UBN2: variants seen among roughly 807,000 people sequenced by gnomAD.
UBN2 encodes ubinuclein 2, also known as ubinuclein-2.
Under a neutral mutation model 120.2 loss-of-function variants are expected in UBN2, and 35 were observed. The ratio of observed to expected loss-of-function variants is 0.29; its 90% CI spans 0.22 to 0.39. UBN2 has a LOEUF of 0.39. UBN2 is among the 10% of genes least tolerant of loss of function. The probability of loss-of-function intolerance (pLI) is 1.00; values close to 1 mark genes in which losing one functional copy is unlikely to be tolerated. For missense variants in UBN2, 1,693 were observed against 1,663.2 expected, an observed-to-expected ratio of 1.02 and a Z score of -0.31; for synonymous variants, 661 against 648.7, an observed-to-expected ratio of 1.02 and a Z score of -0.29.
At position 139,304,706 on chromosome 7, in the gene UBN2, G is replaced by GGT. The variant is rs370546913; in HGVS notation, c.*6903_*6904dup. On this transcript the variant is annotated 3_prime_UTR_variant, in exon 18 of 18. Coordinates refer to ENST00000473989, the MANE Select transcript of UBN2 (RefSeq NM_173569.4). Reference sequence around the variant, plus strand: ...AGGTCCACTGAATCTCTAATGATAGGGTGTGTGTGTGTGTGTGTGTGTGTG... The same window carrying GGT: ...AGGTCCACTGAATCTCTAATGATAGGGTGTGTGTGTGTGTGTGTGTGTGTGTG... 0.1 allele frequency: 14,680 copies of GGT among 140,340 alleles called. 799 individuals are homozygous for GGT. The highest frequency in any genetic ancestry group is 0.17 in the African/African-American group (6,413 of 38,082). The allele number at this position is 140,340 out of a possible 1,614,324, so 8.7% of individuals were successfully genotyped here. A position where few individuals can be genotyped will look rare whatever the true frequency, so the allele number is the denominator to read the frequency against.
At chr7:139,240,041 C>T (rs1044582259) in intron 2 of UBN2, among the ~76,000 whole-genome samples, 2 of 152,108 alleles carry the variant, frequency 1.3e-5, no homozygotes, top group African/African-American at 2.4e-5. Flanking sequence ...GATCAGCGTT[C>T]TGAAGAAGTT....
At chr7:139,279,295 C>T (rs760443861) in intron 12 of UBN2, 23 bp from the exon 13 acceptor site, 7 of 1,597,738 alleles carry the variant, frequency 4.4e-6, no homozygotes, top group Non-Finnish European at 6.0e-6. Context: ...CTGAAATAGC[C>T]TTTTAAAATC....
At chr7:139,259,225 A>G (rs1170594878) in intron 4 of UBN2, 42 bp from the exon 5 acceptor site, 2 of 1,604,888 alleles carry the variant, frequency 1.2e-6, no homozygotes, top group South Asian at 2.2e-5. Context: ...AGAGTAAAGC[A>G]TTGTTACTTA....
At chr7:139,277,147 T>C (rs537081635) in intron 12 of UBN2, 2 of 152,238 alleles carry the variant, frequency 1.3e-5, no homozygotes, top group Non-Finnish European at 2.9e-5. Flanking sequence ...AATATTCTGC[T>C]GAGAGGTCTG....
the UBN2 span, among the ~76,000 whole-genome samples, chr7:139,324,804 C>G: frequency 6.6e-6 from 1 of 151,976 alleles, no homozygotes; most frequent in Non-Finnish European, 1.5e-5. Context: ...AACCCCGTCT[C>G]TACTAAACAT....
intron 12 of UBN2, among the ~76,000 whole-genome samples, chr7:139,279,042 TG>T (rs1044548486): frequency 6.6e-6 from 1 of 152,000 alleles, no homozygotes; most frequent in Non-Finnish European, 1.5e-5. Flanking sequence ...GCTCTTTTTT[TG>T]GGGGGGCTAT....
intron 9 of UBN2, 41 bp from the exon 10 acceptor site, chr7:139,273,256 T>C (rs1334604421): frequency 7.2e-7 from 1 of 1,396,142 alleles, no homozygotes; most frequent in Admixed American, 1.9e-5. Flanking sequence ...TAGGCAGTGT[T>C]GGGTTAAAAG....
intron 15 of UBN2, among the ~76,000 whole-genome samples, chr7:139,285,179 C>G: frequency 6.6e-6 from 1 of 152,128 alleles, no homozygotes; most frequent in Non-Finnish European, 1.5e-5. Context: ...AAACTTACCT[C>G]TCAATTAGCT....
downstream of UBN2, among the ~76,000 whole-genome samples, chr7:139,312,354 C>T (rs866393807): frequency 5.3e-5 from 8 of 152,206 alleles, no homozygotes; most frequent in Non-Finnish European, 7.3e-5. Context: ...CGTTGCTATG[C>T]GTACATTTAG....
rs573554469 is a variant in UBN2 at position 139,293,753 on chromosome 7, C to CA, written c.3902-131dup. On this transcript the variant is annotated intron_variant, in intron 16 of 17. Transcript: ENST00000473989. ...ACATACATTAACATAAGTAAATTTT[C>CA]AAAAACGTGCTCTAGTTTTAGAAGG... 1,415 of 775,052 alleles carry CA rather than the reference C, an allele frequency of 1.8e-3. 12 individuals carry two copies. The highest frequency in any genetic ancestry group is 6.2e-3 in the South Asian group (358 of 58,024). 48.0% of individuals were successfully genotyped at this position (775,052 alleles called of 1,614,324 possible). A position where few individuals can be genotyped will look rare whatever the true frequency, so the allele number is the denominator to read the frequency against.
rs373206138 is a variant in UBN2 at position 139,259,359 on chromosome 7, C to G, written c.894C>G (p.Pro298=). The G allele has an allele frequency of 6.2e-7, 1 of 1,613,728 alleles. No individual in the cohort carries two copies. Among genetic ancestry groups the G allele is most frequent in the African/African-American group, 1.3e-5 (1 of 74,888 alleles). The change falls in exon 5 of 18, where the codon CCC becomes CCG. Residue 298 remains proline (P), a synonymous_variant. Transcript: ENST00000473989. ...AGAAGAAGCCAAGGAAAAAAGTTCC[C>G]AAACAACTGGGGTACGTTAAATTAA... The part of the protein sequence containing the change: ...EKEKKPRKKV[P]KQLGVVALNS...
the UBN2 span, among the ~76,000 whole-genome samples, chr7:139,320,855 CA>C: frequency 4.2e-3 from 380 of 90,364 alleles, 3 homozygotes; most frequent in South Asian, 0.016. Context: ...GACTCCGTCT[CA>C]AAAAAAAAAA....
intron 2 of UBN2, among the ~76,000 whole-genome samples, chr7:139,246,791 C>G (rs1796481227): frequency 6.6e-6 from 1 of 152,128 alleles, no homozygotes; most frequent in African/African-American, 2.4e-5. Context: ...TTGGCCTTTT[C>G]TAGGGTTTCC....
At position 139,266,380 on chromosome 7, in the gene UBN2, G is replaced by T; in HGVS notation, c.1443G>T (p.Gln481His). The change falls in exon 7 of 18, where the codon CAG (glutamine) becomes CAT (histidine). Residue 481 changes from glutamine (Q) to histidine (H), a missense_variant. Around this residue, in one of 5 missense-constraint regions of UBN2, gnomAD observed 178 missense variants for 204.0 expected, o/e 0.87. Coordinates refer to ENST00000473989, the MANE Select transcript of UBN2 (RefSeq NM_173569.4). ...DEEGRKKFFTQDMNNILLDIE... is the reference protein window; with the variant it reads ...DEEGRKKFFTHDMNNILLDIE... Reference sequence around the variant, plus strand: ...AAGGAAGGAAAAAATTCTTTACACAGGATATGAATAATATTCTTCTGGAGT... The same window carrying T: ...AAGGAAGGAAAAAATTCTTTACACATGATATGAATAATATTCTTCTGGAGT... 6.4e-7 allele frequency: 1 copy of T among 1,567,378 alleles called. No homozygotes were observed. The highest frequency in any genetic ancestry group is 8.7e-7 in the Non-Finnish European group (1 of 1,148,822).
At chr7:139,310,625 C>G (rs1480792080), downstream of UBN2, among the ~76,000 whole-genome samples, 2 of 152,036 alleles carry the variant, frequency 1.3e-5, no homozygotes, top group Admixed American at 1.3e-4. Flanking sequence ...ACAAAAAAAT[C>G]AGCTGGGCAT....
In UBN2 at chr7:139,237,071, T is replaced by C; in HGVS notation, c.535T>C (p.Leu179=). 1.2e-6 allele frequency: 2 copies of C among 1,610,468 alleles called. No individual in the cohort carries two copies. The highest frequency in any genetic ancestry group is 1.1e-5 in the South Asian group (1 of 90,960). Residue 179 remains leucine (L), a synonymous_variant, in exon 2 of 18, where the codon TTG becomes CTG. Coordinates refer to ENST00000473989, the MANE Select transcript of UBN2 (RefSeq NM_173569.4). The part of the protein sequence containing the change: ...EHQERQEVEM[L]AKKFEMKYGG... ...TCAGGAGAGGCAAGAGGTGGAAATG[T>C]TGGCTAAGAAGTTTGAAATGAAATA...
At chr7:139,258,079 A>G (rs903490527) in intron 3 of UBN2, among the ~76,000 whole-genome samples, 8 of 152,200 alleles carry the variant, frequency 5.3e-5, no homozygotes, top group Non-Finnish European at 7.4e-5. Flanking sequence ...CAGTTTTGTT[A>G]TTCTTTATAA....
chr7:139,283,459 A>C lies in UBN2; in HGVS notation c.2554A>C (p.Ile852Leu), dbSNP rs763713571. 1.2e-6 allele frequency: 2 copies of C among 1,614,042 alleles called. No homozygotes were observed. Among genetic ancestry groups the C allele is most frequent in the African/African-American group, 2.7e-5 (2 of 74,910 alleles). Residue 852 changes from isoleucine (I) to leucine (L), a missense_variant, in exon 15 of 18, where the codon ATC (isoleucine) becomes CTC (leucine). Coordinates refer to ENST00000473989, the MANE Select transcript of UBN2 (RefSeq NM_173569.4). ...KKPQDLAHTG[I>L]SSGLIAGSSI... ...ACCCCAGGATTTAGCTCATACTGGC[A>C]TCTCTTCAGGCCTTATTGCTGGTTC...
chr7:139,269,435 G>A lies in UBN2; in HGVS notation c.1508G>A (p.Ser503Asn). ...CAAGAACTAGGCCCTGTCATTCGCA[G>A]TGGTGTCTACTCCCACCTTGAAGCT... ...QLQELGPVIR[S>N]GVYSHLEAFV... Residue 503 changes from serine to asparagine, a missense_variant, in exon 8 of 18, where the codon AGT (serine) becomes AAT (asparagine). Transcript: ENST00000473989. The A allele has an allele frequency of 1.2e-6, 2 of 1,614,156 alleles. No homozygotes were observed. The highest frequency in any genetic ancestry group is 1.3e-5 in the African/African-American group (1 of 75,038).
Sources: gnomAD v4.1 joint callset for allele counts (sites outside exome capture counted in the v4.1 genomes callset) on GRCh38, gnomAD v4.1.1 for gene constraint, gnomAD v4.1.1 regional missense constraint, MANE v1.5 for transcripts, NCBI Gene and HGNC (gene_info 2026-07-23, HGNC 2026-07-21) for gene names.